The following ANKRD30B variants were observed in gnomAD, a reference collection of about 807,000 sequenced individuals.
The protein encoded by ANKRD30B is ankyrin repeat domain-containing protein 30B.
A neutral mutation model predicts 202.2 loss-of-function variants in ANKRD30B; 144 were observed. The ratio of observed to expected loss-of-function variants is 0.71; its 90% CI spans 0.62 to 0.82. The LOEUF (loss-of-function observed/expected upper bound fraction) is 0.82. Among genes scored for constraint, ANKRD30B ranks in the 40% least tolerant of loss-of-function variants. ANKRD30B has a pLI of 0.00. For synonymous variants in ANKRD30B, 508 were observed against 561.3 expected, an observed-to-expected ratio of 0.91 and a Z score of 1.34; for missense variants, 1,487 against 1,669.1, an observed-to-expected ratio of 0.89 and a Z score of 1.90.
chr18:14,777,407 C>T (rs549475766), intron 9 of ANKRD30B, among the ~76,000 whole-genome samples: 1 of 152,016 alleles, frequency 6.6e-6, no homozygotes, highest in Non-Finnish European at 1.5e-5. Flanking sequence ...CATCGATTCT[C>T]CTGCCTCAGC....
chr18:14,783,695 G>A (rs1967896513), intron 12 of ANKRD30B, among the ~76,000 whole-genome samples: 1 of 152,002 alleles, frequency 6.6e-6, no homozygotes, highest in African/African-American at 2.4e-5. Context: ...ATATAAATAT[G>A]TCAATATTGA....
rs1971224946 is a variant in ANKRD30B at position 14,837,381 on chromosome 18, A to G, written c.2926+92A>G. The G allele has an allele frequency of 4.4e-6, 5 of 1,146,458 alleles. No individual in the cohort carries two copies. In the Admixed American group the frequency reaches 8.9e-5, roughly 20 times the overall value. 71.0% of individuals were successfully genotyped at this position (1,146,458 alleles called of 1,614,324 possible). On this transcript the variant is annotated intron_variant, in intron 35 of 43. Coordinates refer to ENST00000690538, the MANE Select transcript of ANKRD30B (RefSeq NM_001367607.2). ...TTTTTCTATGTTTAAATGCTGTTATATAGAAAACAATTTTTTAGCCCAAAA... is the reference window on the plus strand; with the variant it reads ...TTTTTCTATGTTTAAATGCTGTTATGTAGAAAACAATTTTTTAGCCCAAAA...
rs762515915 is a variant in ANKRD30B, at chr18:14,851,708, C to G, written c.3764C>G (p.Thr1255Arg). Residue 1255 changes from threonine (T) to arginine (R), a missense_variant, in exon 42 of 44, where the codon ACA (threonine) becomes AGA (arginine). Thr to Arg is a moderately conservative substitution (Grantham distance 71, BLOSUM62 -1). Around this residue, in one of 6 missense-constraint regions of ANKRD30B, gnomAD observed 177 missense variants for 216.4 expected, o/e 0.82. Coordinates refer to ENST00000690538, the MANE Select transcript of ANKRD30B (RefSeq NM_001367607.2). The stretch of plus-strand genomic sequence containing the variant: ...ATGACCCTAAAACTGAAACAGAAAA[C>G]AGTAACAAAAAGGGCATCTCAGTAT... ...LQMTLKLKQKTVTKRASQYRE... is the reference protein window; with the variant it reads ...LQMTLKLKQKRVTKRASQYRE... The G allele has an allele frequency of 6.2e-6, 10 of 1,610,490 alleles. No homozygotes were observed. Among genetic ancestry groups the G allele is most frequent in the Non-Finnish European group, 7.6e-6 (9 of 1,178,606 alleles).
In ANKRD30B at chr18:14,830,456, T is replaced by C. The variant is rs567931933; in HGVS notation, c.2775-927T>C. 7.4e-4 allele frequency among the ~76,000 whole-genome samples: 112 copies of C among 152,248 alleles called. 1 individual carries two copies. The highest frequency in any genetic ancestry group is 1.3e-3 in the Non-Finnish European group (89 of 67,990). On this transcript the variant is annotated intron_variant, in intron 33 of 43. Transcript: ENST00000690538. ...ATTCCCAATAACAAATATAGATTTG[T>C]ATTTTGACATTTGTAGGTTCAGCTT...
chr18:14,871,854 A>G, the ANKRD30B span, among the ~76,000 whole-genome samples: 7 of 152,254 alleles, frequency 4.6e-5, no homozygotes, highest in Non-Finnish European at 8.8e-5. Flanking sequence ...GATATTGAGA[A>G]TGGCATTACA....
chr18:14,935,217 G>T, the ANKRD30B span, among the ~76,000 whole-genome samples: 6 of 152,192 alleles, frequency 3.9e-5, no homozygotes, highest in Non-Finnish European at 5.9e-5. Context: ...CTCATGAAAT[G>T]GAGAGGGGTA....
rs933242677 is a variant in ANKRD30B, at chr18:14,777,173, A to C, written c.1330-812A>C. Among the ~76,000 whole-genome samples the C allele has an allele frequency of 3.3e-5, 5 of 152,344 alleles. No homozygotes were observed. In the South Asian group the frequency reaches 1.0e-3, roughly 32 times the overall value. On this transcript the variant is annotated intron_variant, in intron 9 of 43. Transcript: ENST00000690538. Reference sequence around the variant, plus strand: ...ATGCTCAGTAACCCAGTCAATAGCCACATGAAGATAAAAGGTAAGTGTGAT... The same window carrying C: ...ATGCTCAGTAACCCAGTCAATAGCCCCATGAAGATAAAAGGTAAGTGTGAT...
intron 28 of ANKRD30B, among the ~76,000 whole-genome samples, chr18:14,810,493 T>G (rs1390144843): frequency 1.3e-5 from 2 of 151,222 alleles, no homozygotes; most frequent in African/African-American, 2.4e-5. Context: ...TGAAATATTT[T>G]CAGTGGTTCA....
chr18:14,940,646 T>C, the ANKRD30B span, among the ~76,000 whole-genome samples: 1 of 152,134 alleles, frequency 6.6e-6, no homozygotes, highest in Non-Finnish European at 1.5e-5. Flanking sequence ...ATATAAATGA[T>C]AAAGAAGGAA....
the ANKRD30B span, among the ~76,000 whole-genome samples, chr18:14,907,434 T>C: frequency 6.6e-6 from 1 of 152,298 alleles, no homozygotes; most frequent in Non-Finnish European, 1.5e-5. Context: ...TTGTGTTTGG[T>C]GGTGCTGGTG....
chr18:14,868,836 C>T, the ANKRD30B span, among the ~76,000 whole-genome samples: 1 of 152,290 alleles, frequency 6.6e-6, no homozygotes, highest in Non-Finnish European at 1.5e-5. Context: ...TCTGTTCTGC[C>T]TGCTGCTCAG....
chr18:14,917,840 C>A, the ANKRD30B span, among the ~76,000 whole-genome samples: 1 of 152,210 alleles, frequency 6.6e-6, no homozygotes, highest in South Asian at 2.1e-4. Context: ...CCCATCTGGG[C>A]TCAGATTTAT....
chr18:14,855,289 C>T (rs1285913583), downstream of ANKRD30B, among the ~76,000 whole-genome samples: 1 of 152,234 alleles, frequency 6.6e-6, no homozygotes, highest in Admixed American at 6.5e-5. Flanking sequence ...AAAATGGAGT[C>T]TCCTATGTCT....
chr18:14,871,574 C>T, the ANKRD30B span, among the ~76,000 whole-genome samples: 1 of 151,614 alleles, frequency 6.6e-6, no homozygotes, highest in Non-Finnish European at 1.5e-5. Flanking sequence ...GGGGCAGATG[C>T]TGAGATGGGG....
chr18:14,796,992 A>G (rs905376128), intron 18 of ANKRD30B, among the ~76,000 whole-genome samples: 13 of 152,188 alleles, frequency 8.5e-5, no homozygotes, highest in Non-Finnish European at 1.9e-4. Flanking sequence ...ACAGAAATGC[A>G]GACTTTCCAT....
At chr18:14,899,272 A>C in the ANKRD30B span, among the ~76,000 whole-genome samples, 1 of 152,124 alleles carries the variant, frequency 6.6e-6, no homozygotes, top group Non-Finnish European at 1.5e-5. Flanking sequence ...TAAATTAATT[A>C]TGTTTTTAAA....
At chr18:14,795,920 C>A (rs1044307115) in intron 16 of ANKRD30B, among the ~76,000 whole-genome samples, 1 of 151,352 alleles carries the variant, frequency 6.6e-6, no homozygotes, top group Non-Finnish European at 1.5e-5. Context: ...TTTCCCTATA[C>A]GGCAGATTAA....
At chr18:14,749,996 A>T (rs1913172632) in intron 1 of ANKRD30B, among the ~76,000 whole-genome samples, 2 of 152,068 alleles carry the variant, frequency 1.3e-5, no homozygotes, top group South Asian at 4.1e-4. Flanking sequence ...AAAGATAAAA[A>T]TACCAGAAAA....
chr18:14,788,088 A>G (rs1171069271), intron 15 of ANKRD30B, among the ~76,000 whole-genome samples: 1 of 152,230 alleles, frequency 6.6e-6, no homozygotes, highest in Non-Finnish European at 1.5e-5. Context: ...ACAGACTCTA[A>G]AAGTTCAAGA....
Sources: allele counts gnomAD v4.1 joint callset (sites outside exome capture counted in the v4.1 genomes callset), GRCh38; gene constraint gnomAD v4.1.1; regional missense constraint gnomAD v4.1.1; transcripts MANE v1.5; gene names NCBI Gene and HGNC (gene_info 2026-07-23, HGNC 2026-07-21).